The following ARHGAP44 variants were observed in gnomAD, a reference collection of about 807,000 sequenced individuals.
ARHGAP44 encodes the protein rho GTPase-activating protein 44.
In ARHGAP44, 43 loss-of-function variants were observed where a neutral mutation model predicts 106.8. That is an observed-to-expected ratio of 0.40 (90% CI 0.32 to 0.52). The LOEUF is 0.52. Ranked by LOEUF, ARHGAP44 falls within the 20% of genes least tolerant of loss-of-function variation. The pLI, the probability that ARHGAP44 is intolerant of heterozygous loss-of-function variation, is 0.48. For synonymous variants in ARHGAP44, 439 were observed against 410.3 expected (o/e 1.07, Z -0.85); for missense variants, 866 against 1,050.5 (o/e 0.82, Z 2.43).
intron 10 of ARHGAP44, among the ~76,000 whole-genome samples, chr17:12,945,056 G>A (rs576066015): frequency 6.7e-4 from 102 of 151,804 alleles, no homozygotes; most frequent in African/African-American, 2.4e-3. Context: ...TGTCACCCAG[G>A]CTGGAGTGCA....
chr17:12,955,663 C>T, intron 13 of ARHGAP44: 1 of 498,918 alleles, frequency 2.0e-6, no homozygotes, highest in Non-Finnish European at 3.6e-6. Flanking sequence ...ACACCTGACC[C>T]AGTGAGATCT....
intron 15 of ARHGAP44, 137 bp downstream of exon 15, chr17:12,956,883 ACACACG>A (rs1367944921): frequency 9.2e-5 from 51 of 555,880 alleles, no homozygotes; most frequent in East Asian, 2.4e-4. Flanking sequence ...ACACACACAC[ACACACG>A]CATGCAGACA....
At chr17:12,987,315 C>T (rs1490096305) in intron 20 of ARHGAP44, 12 of 578,174 alleles carry the variant, frequency 2.1e-5, no homozygotes, top group Non-Finnish European at 3.4e-5. Flanking sequence ...GATCCATGAG[C>T]TTATTTGGCT....
chr17:12,971,256 C>T lies in ARHGAP44; in HGVS notation c.1524-2046C>T, dbSNP rs141080175. Reference sequence around the variant, plus strand: ...CTTCCCTTGGTAAACCAGAAGATCACCAAGGAGGCTGGTGTCTGAGATTCC... The same window carrying T: ...CTTCCCTTGGTAAACCAGAAGATCATCAAGGAGGCTGGTGTCTGAGATTCC... On this transcript the variant is annotated intron_variant, in intron 16 of 20. Transcript: ENST00000379672. Among the ~76,000 whole-genome samples the T allele has an allele frequency of 9.6e-3, 1,457 of 152,216 alleles. 10 individuals carry two copies. Among genetic ancestry groups the T allele is most frequent in the Non-Finnish European group, 0.015 (1,032 of 68,018 alleles).
chr17:12,870,048 C>CTTTTTTTTTTT (rs3074688), intron 1 of ARHGAP44, among the ~76,000 whole-genome samples: 2 of 113,098 alleles, frequency 1.8e-5, no homozygotes, highest in African/African-American at 3.4e-5. Flanking sequence ...CAAATACCGT[C>CTTTTTTTTTTT]TTTTTTTTTT....
At chr17:12,806,672 C>T (rs1016798054) in intron 1 of ARHGAP44, among the ~76,000 whole-genome samples, 1 of 152,212 alleles carries the variant, frequency 6.6e-6, no homozygotes, top group Non-Finnish European at 1.5e-5. Flanking sequence ...TATTTTGGCT[C>T]TATCACTTGC....
chr17:12,952,645 C>T, intron 13 of ARHGAP44, 64 bp downstream of exon 13: 1 of 1,249,776 alleles, frequency 8.0e-7, no homozygotes, highest in Non-Finnish European at 1.1e-6. Flanking sequence ...AGAGATACAA[C>T]TGCCCGGGTA....
chr17:12,963,609 G>A (rs561871526), intron 16 of ARHGAP44, among the ~76,000 whole-genome samples: 1 of 151,912 alleles, frequency 6.6e-6, no homozygotes, highest in Admixed American at 6.6e-5. Context: ...AATGCTGTGT[G>A]TGCAGACAGG....
At chr17:12,939,861 A>C (rs2322709) in intron 7 of ARHGAP44, among the ~76,000 whole-genome samples, 110,338 of 152,174 alleles carry the variant, frequency 0.73, 40,168 homozygotes, top group Admixed American at 0.78. Context: ...TGGAGAACAC[A>C]CTTCCTCTTT....
chr17:12,909,042 G>C, intron 4 of ARHGAP44, 69 bp downstream of exon 4: 1 of 1,323,196 alleles, frequency 7.6e-7, no homozygotes, highest in Non-Finnish European at 1.0e-6. Flanking sequence ...AAGGGGACTA[G>C]ACCCTCTCAG....
chr17:12,881,634 A>C (rs1292416523), intron 1 of ARHGAP44, among the ~76,000 whole-genome samples: 1 of 152,092 alleles, frequency 6.6e-6, no homozygotes, highest in Non-Finnish European at 1.5e-5. Context: ...CTTAAGGATA[A>C]TCTTATTTTT....
intron 1 of ARHGAP44, among the ~76,000 whole-genome samples, chr17:12,873,463 G>T (rs1472695578): frequency 6.6e-6 from 1 of 152,176 alleles, no homozygotes; most frequent in Non-Finnish European, 1.5e-5. Flanking sequence ...CTAATGATTT[G>T]TGTGAAATAT....
chr17:12,895,738 C>A (rs1202771703), intron 2 of ARHGAP44, among the ~76,000 whole-genome samples: 2 of 152,090 alleles, frequency 1.3e-5, no homozygotes, highest in Non-Finnish European at 2.9e-5. Context: ...TTGACCCAGC[C>A]ATCCCATTAC....
chr17:12,860,909 T>A (rs1273301437), intron 1 of ARHGAP44, among the ~76,000 whole-genome samples: 1 of 149,794 alleles, frequency 6.7e-6, no homozygotes, highest in African/African-American at 2.5e-5. Flanking sequence ...TCACTCTTGG[T>A]GCAGTGGTAT....
chr17:12,823,046 G>T (rs2034818192), intron 1 of ARHGAP44, among the ~76,000 whole-genome samples: 1 of 152,044 alleles, frequency 6.6e-6, no homozygotes, highest in African/African-American at 2.4e-5. Flanking sequence ...TGTAATATAG[G>T]GTATATTGTA....
intron 7 of ARHGAP44, among the ~76,000 whole-genome samples, chr17:12,933,405 G>A (rs540752386): frequency 9.2e-5 from 14 of 152,290 alleles, no homozygotes; most frequent in Admixed American, 5.2e-4. Context: ...GTCAAGATGT[G>A]TTCCATAAGA....
At chr17:12,806,442 A>C (rs147523332) in intron 1 of ARHGAP44, among the ~76,000 whole-genome samples, 15 of 152,342 alleles carry the variant, frequency 9.8e-5, no homozygotes, top group African/African-American at 3.1e-4. Flanking sequence ...TGTATTATAC[A>C]AACTGGGGCC....
At chr17:12,814,467 C>G (rs925721833) in intron 1 of ARHGAP44, among the ~76,000 whole-genome samples, 1 of 151,932 alleles carries the variant, frequency 6.6e-6, no homozygotes, top group Non-Finnish European at 1.5e-5. Context: ...TCTCGAACTC[C>G]TGACCTCAGG....
intron 4 of ARHGAP44, among the ~76,000 whole-genome samples, chr17:12,914,530 G>C (rs1449815052): frequency 6.6e-6 from 1 of 151,966 alleles, no homozygotes; most frequent in Admixed American, 6.6e-5. Context: ...AAAAAGCAAG[G>C]CTGCCTGTAG....
Sources: gnomAD v4.1 joint callset for allele counts (sites outside exome capture counted in the v4.1 genomes callset) on GRCh38, gnomAD v4.1.1 for gene constraint, MANE v1.5 for transcripts, NCBI Gene and HGNC (gene_info 2026-07-23, HGNC 2026-07-21) for gene names.